The following PPRC1 variants were observed in gnomAD, a reference collection of about 807,000 sequenced individuals.
PPRC1 encodes the protein peroxisome proliferator-activated receptor gamma coactivator-related protein 1.
PPRC1 carries 23 observed loss-of-function variants against 132.5 expected under a neutral mutation model. That is an observed-to-expected ratio of 0.17 (90% CI 0.12 to 0.25). PPRC1 has a LOEUF of 0.25. Among genes scored for constraint, PPRC1 ranks in the 10% least tolerant of loss-of-function variants. PPRC1 has a pLI of 1.00. For synonymous variants in PPRC1, 872 were observed against 833.5 expected, an observed-to-expected ratio of 1.05 and a Z score of -0.80; for missense variants, 2,006 against 2,089.1, an observed-to-expected ratio of 0.96 and a Z score of 0.78.
the PPRC1 span, among the ~76,000 whole-genome samples, chr10:102,123,351 T>G: frequency 6.7e-6 from 1 of 150,260 alleles, no homozygotes; most frequent in African/African-American, 2.5e-5. Context: ...CACAGACACC[T>G]GGCAGACAGA....
chr10:102,149,378 A>G lies in PPRC1; in HGVS notation c.4891+49A>G, dbSNP rs752625988. The G allele has an allele frequency of 1.7e-5, 25 of 1,515,056 alleles. No individual in the cohort carries two copies. The South Asian group carries it at 3.2e-4, about 19-fold the overall frequency. The allele number at this position is 1,515,056 out of a possible 1,614,324, so 93.9% of individuals were successfully genotyped here. A position where few individuals can be genotyped will look rare whatever the true frequency, so the allele number is the denominator to read the frequency against. On this transcript the variant is annotated intron_variant, in intron 13 of 13. Transcript: ENST00000278070. ...CTTTGGAATGCTTCATCCCCTCCCC[A>G]GAAGGGTTCCTAACCCTTTGTGAGT... is the stretch of plus-strand genomic sequence containing the variant.
At chr10:102,124,239 A>G in the PPRC1 span, among the ~76,000 whole-genome samples, 1 of 151,102 alleles carries the variant, frequency 6.6e-6, no homozygotes, top group Non-Finnish European at 1.5e-5. Flanking sequence ...TAATTTTTGT[A>G]TTTTTAGTAG....
At chr10:102,131,454 T>A (rs542058387), upstream of PPRC1, among the ~76,000 whole-genome samples, 2 of 151,764 alleles carry the variant, frequency 1.3e-5, no homozygotes, top group East Asian at 3.9e-4. Flanking sequence ...TTCATGAACA[T>A]GTGTGGGGAT....
intron 1 of PPRC1, among the ~76,000 whole-genome samples, chr10:102,133,742 C>T (rs886093303): frequency 4.0e-5 from 6 of 151,788 alleles, no homozygotes; most frequent in African/African-American, 7.3e-5. Context: ...GGCTGTCGGG[C>T]ATCTAGTATC....
In PPRC1 at chr10:102,140,099, G is replaced by T; in HGVS notation, c.1591G>T (p.Ala531Ser). The change falls in exon 5 of 14, where the codon GCC becomes TCC. Residue 531 changes from alanine (A) to serine (S), a missense_variant. Coordinates refer to ENST00000278070, the MANE Select transcript of PPRC1 (RefSeq NM_015062.5). ...PRAWARAWAA[A>S]LENSSPKNLE... is the part of the protein sequence containing the mutation. ...GGCTTGGGCTCGGGCCTGGGCAGCTGCCTTGGAGAATTCTAGCCCTAAGAA... is the reference window on the plus strand; with the variant it reads ...GGCTTGGGCTCGGGCCTGGGCAGCTTCCTTGGAGAATTCTAGCCCTAAGAA... 6.2e-7 allele frequency: 1 copy of T among 1,614,246 alleles called. No individual in the cohort carries two copies. The highest frequency in any genetic ancestry group is 8.5e-7 in the Non-Finnish European group (1 of 1,180,046).
the PPRC1 span, among the ~76,000 whole-genome samples, chr10:102,127,023 A>T: frequency 0.02 from 87 of 4,366 alleles, 1 homozygote; most frequent in Middle Eastern, 0.083. Context: ...TTTTTATCAT[A>T]TATATATATA....
rs2068843454 is a variant in PPRC1 at position 102,139,207 on chromosome 10, C to T, written c.699C>T (p.Arg233=). The T allele has an allele frequency of 6.2e-7, 1 of 1,614,214 alleles. No homozygotes were observed. Among genetic ancestry groups the T allele is most frequent in the South Asian group, 1.1e-5 (1 of 91,082 alleles). Residue 233 remains arginine (R), a synonymous_variant, in exon 5 of 14, where the codon CGC becomes CGT. Transcript: ENST00000278070. ...GGAGACCCCCAAGATCAAGACCACGCTGGGGCCAATCCCCACCTCCCCAGC... is the reference window on the plus strand; with the variant it reads ...GGAGACCCCCAAGATCAAGACCACGTTGGGGCCAATCCCCACCTCCCCAGC... ...PSWRPPRSRP[R]WGQSPPPQQR...
At chr10:102,128,669 G>A (rs530905580), upstream of PPRC1, among the ~76,000 whole-genome samples, 50 of 150,236 alleles carry the variant, frequency 3.3e-4, 1 homozygote, top group African/African-American at 1.0e-3. Flanking sequence ...CTGGAGTGCA[G>A]TGGTGCAATC....
rs867346280 is a variant in PPRC1, at chr10:102,141,522, C to T, written c.3014C>T (p.Ala1005Val). Reference protein sequence around the residue: ...STVPPPPLPPASIGRAVPQPK... With the variant: ...STVPPPPLPPVSIGRAVPQPK... ...GTTCCCCCACCTCCTTTGCCTCCAG[C>T]CTCCATTGGGAGAGCTGTTCCCCAA... The change falls in exon 5 of 14, where the codon GCC (alanine) becomes GTC (valine). Residue 1005 changes from alanine to valine, a missense_variant. Coordinates refer to ENST00000278070, the MANE Select transcript of PPRC1 (RefSeq NM_015062.5). 11 of 1,613,914 alleles carry T rather than the reference C, an allele frequency of 6.8e-6. No individual in the cohort carries two copies. The African/African-American group carries it at 1.2e-4, about 18-fold the overall frequency.
In PPRC1 at chr10:102,148,237, T is replaced by C. The variant is rs1248865027; in HGVS notation, c.4401-135T>C. The C allele has an allele frequency of 8.8e-6, 9 of 1,021,712 alleles. No homozygotes were observed. The highest frequency in any genetic ancestry group is 2.3e-5 in the Admixed American group (1 of 43,136). 63.3% of individuals were successfully genotyped at this position (1,021,712 alleles called of 1,614,324 possible). Reference sequence around the variant, plus strand: ...GTTCATCTCTGAATGAAAATTGTTCTTCTAGACCTCTTCTACTCTGCTTTG... The same window carrying C: ...GTTCATCTCTGAATGAAAATTGTTCCTCTAGACCTCTTCTACTCTGCTTTG... On this transcript the variant is annotated intron_variant, in intron 9 of 13. Coordinates refer to ENST00000278070, the MANE Select transcript of PPRC1 (RefSeq NM_015062.5). This position sits in a 1 kb window ranked among gnomAD's most constrained non-coding sequence, Gnocchi z 4.2.
upstream of PPRC1, among the ~76,000 whole-genome samples, chr10:102,130,947 C>T (rs2068530119): frequency 6.6e-6 from 1 of 151,654 alleles, no homozygotes; most frequent in East Asian, 1.9e-4. Context: ...AATCCCAGCA[C>T]TTTGGGAGGC....
chr10:102,129,030 C>T (rs1418238074), upstream of PPRC1, among the ~76,000 whole-genome samples: 7 of 146,274 alleles, frequency 4.8e-5, no homozygotes, highest in Non-Finnish European at 7.5e-5. Context: ...CCCGGGTTCA[C>T]GCCATTCTCC....
intron 6 of PPRC1, 64 bp from the exon 7 acceptor site, chr10:102,144,186 C>A: frequency 6.6e-7 from 1 of 1,523,770 alleles, no homozygotes; most frequent in Non-Finnish European, 9.1e-7. Flanking sequence ...CAAAGCAAGC[C>A]CTTCTGTGCC....
the PPRC1 span, among the ~76,000 whole-genome samples, chr10:102,127,065 AT>A: frequency 0.04 from 3,073 of 77,740 alleles, 243 homozygotes; most frequent in Non-Finnish European, 0.05. Flanking sequence ...ATATATATAT[AT>A]ATAAATTAAA....
the PPRC1 span, among the ~76,000 whole-genome samples, chr10:102,125,800 T>C: frequency 0.34 from 51,853 of 151,794 alleles, 11,001 homozygotes; most frequent in Non-Finnish European, 0.45. Flanking sequence ...TTTTCTCTTA[T>C]ATTTCTCTCA....
At chr10:102,134,287 T>C (rs980423866) in intron 1 of PPRC1, among the ~76,000 whole-genome samples, 1 of 152,108 alleles carries the variant, frequency 6.6e-6, no homozygotes, top group African/African-American at 2.4e-5. Flanking sequence ...GCTCTTCGGA[T>C]TTTTTGCTGG....
Position 102,149,347 on chromosome 10 carries a change from C to T in PPRC1, c.4891+18C>T. ...TGATCTTGGTGAGTGGAGGGAGGGC[C>T]TAAAGCTTTGGAATGCTTCATCCCC... On this transcript the variant is annotated intron_variant, in intron 13 of 13. Coordinates refer to ENST00000278070, the MANE Select transcript of PPRC1 (RefSeq NM_015062.5). 1.9e-6 allele frequency: 3 copies of T among 1,556,840 alleles called. No individual in the cohort carries two copies. Among genetic ancestry groups the T allele is most frequent in the Middle Eastern group, 1.8e-4 (1 of 5,588 alleles).
intron 2 of PPRC1, 74 bp from the exon 3 acceptor site, chr10:102,138,545 G>T: frequency 6.5e-7 from 1 of 1,537,052 alleles, no homozygotes. Flanking sequence ...TGATTCTCTC[G>T]ATATCCAGTC....
upstream of PPRC1, among the ~76,000 whole-genome samples, chr10:102,131,724 C>G (rs528014556): frequency 6.6e-6 from 1 of 152,224 alleles, no homozygotes; most frequent in African/African-American, 2.4e-5. Context: ...GTGGCATGAT[C>G]TTGGCTCACT....
Sources: gnomAD v4.1 joint callset for allele counts (sites outside exome capture counted in the v4.1 genomes callset) on GRCh38, gnomAD v4.1.1 for gene constraint, Gnocchi (gnomAD v3.1) non-coding constraint, MANE v1.5 for transcripts, NCBI Gene and HGNC (gene_info 2026-07-23, HGNC 2026-07-21) for gene names.